Variants in KCTD8 observed in about 807,000 individuals in gnomAD.
KCTD8 encodes the protein potassium channel tetramerization domain containing 8, also known as BTB/POZ domain-containing protein KCTD8.
Under a neutral mutation model 31.5 loss-of-function variants are expected in KCTD8, and 27 were observed. The observed-to-expected ratio is 0.86, with a 90% confidence interval of 0.63 to 1.18. The LOEUF (loss-of-function observed/expected upper bound fraction) is 1.18, where lower values mean the gene tolerates loss of function less well. Ranked by LOEUF, KCTD8 falls within the 50% of genes most tolerant of loss-of-function variation. KCTD8 has a pLI of 0.00. For synonymous variants in KCTD8, 290 were observed against 280.0 expected, an observed-to-expected ratio of 1.04 and a Z score of -0.36; for missense variants, 658 against 647.7, an observed-to-expected ratio of 1.02 and a Z score of -0.17.
intron 1 of KCTD8, among the ~76,000 whole-genome samples, chr4:44,303,894 A>C (rs1717718418): frequency 6.6e-6 from 1 of 152,200 alleles, no homozygotes; most frequent in African/African-American, 2.4e-5. Context: ...TCTTTAAATT[A>C]GCAGATCATT....
At chr4:44,241,577 A>G (rs1715456352) in intron 1 of KCTD8, among the ~76,000 whole-genome samples, 1 of 152,268 alleles carries the variant, frequency 6.6e-6, no homozygotes, top group Admixed American at 6.5e-5. Flanking sequence ...ATTCAACAGT[A>G]CATATGCACA....
intron 1 of KCTD8, among the ~76,000 whole-genome samples, chr4:44,278,301 A>T (rs1414661307): frequency 6.6e-6 from 1 of 151,978 alleles, no homozygotes; most frequent in African/African-American, 2.4e-5. Context: ...TCTACACAAT[A>T]TGTCCCCAAT....
At chr4:44,404,605 C>A (rs1241929271) in intron 1 of KCTD8, among the ~76,000 whole-genome samples, 1 of 152,112 alleles carries the variant, frequency 6.6e-6, no homozygotes, top group Non-Finnish European at 1.5e-5. Flanking sequence ...TGCCTCAGGG[C>A]TAGAGACAGA....
In KCTD8 at chr4:44,175,213, A is replaced by G. The variant is rs2109327010; in HGVS notation, c.999T>C (p.His333=). 1 of 1,599,518 alleles carries G rather than the reference A, an allele frequency of 6.3e-7. No individual in the cohort carries two copies. Among genetic ancestry groups the G allele is most frequent in the Non-Finnish European group, 8.5e-7 (1 of 1,173,242 alleles). The change falls in exon 2 of 2, where the codon CAT becomes CAC. Residue 333 remains histidine, a synonymous_variant. Transcript: ENST00000360029. ...PQKIVSPKQE[H]EDRKHDKVTD... Reference sequence around the variant, plus strand: ...TGACTTTGTCATGTTTCCTATCTTCATGTTCTTGTTTAGGTGATACTATTT... The same window carrying G: ...TGACTTTGTCATGTTTCCTATCTTCGTGTTCTTGTTTAGGTGATACTATTT...
chr4:44,378,704 A>G (rs1719982429), intron 1 of KCTD8, among the ~76,000 whole-genome samples: 1 of 152,136 alleles, frequency 6.6e-6, no homozygotes, highest in Non-Finnish European at 1.5e-5. Context: ...CTATTACATG[A>G]GTCCCAAGTC....
chr4:44,328,019 G>T (rs1005311863), intron 1 of KCTD8, among the ~76,000 whole-genome samples: 1 of 151,834 alleles, frequency 6.6e-6, no homozygotes, highest in South Asian at 2.1e-4. Context: ...GTGAAGTAAT[G>T]CTTCTCTCAC....
At chr4:44,347,676 AATTAT>A (rs1302441290) in intron 1 of KCTD8, among the ~76,000 whole-genome samples, 3 of 152,220 alleles carry the variant, frequency 2.0e-5, no homozygotes, top group African/African-American at 7.2e-5. Flanking sequence ...CTAATGAGAA[AATTAT>A]ATTAGATTAA....
At chr4:44,188,598 T>C (rs1713664480) in intron 1 of KCTD8, among the ~76,000 whole-genome samples, 1 of 152,178 alleles carries the variant, frequency 6.6e-6, no homozygotes, top group Non-Finnish European at 1.5e-5. Context: ...TCACTTTCCA[T>C]GAAAAAGTCT....
intron 1 of KCTD8, among the ~76,000 whole-genome samples, chr4:44,442,774 T>TACACACGTATACACAC (rs10938342): frequency 0.42 from 61,793 of 146,962 alleles, 14,039 homozygotes; most frequent in South Asian, 0.63. Context: ...AACTAAGGTA[T>TACACACGTATACACAC]ACACACACAC....
At chr4:44,249,870 A>G (rs561283335) in intron 1 of KCTD8, among the ~76,000 whole-genome samples, 1 of 150,512 alleles carries the variant, frequency 6.6e-6, no homozygotes, top group East Asian at 2.0e-4. Flanking sequence ...TTCCTATCCT[A>G]TCCTTAGATC....
chr4:44,384,256 A>G (rs58543357), intron 1 of KCTD8, among the ~76,000 whole-genome samples: 125,088 of 151,850 alleles, frequency 0.82, 51,721 homozygotes, highest in South Asian at 0.88. Context: ...ACAGTAGGGA[A>G]GTTCCTCAAA....
At chr4:44,371,836 T>C (rs754682273) in intron 1 of KCTD8, among the ~76,000 whole-genome samples, 2 of 152,130 alleles carry the variant, frequency 1.3e-5, no homozygotes, top group African/African-American at 4.8e-5. Flanking sequence ...CAAAAGCATA[T>C]ATTTTCCTCC....
At position 44,238,198 on chromosome 4, in the gene KCTD8, G is replaced by A. The variant is rs28642794; in HGVS notation, c.962-62948C>T. ...TCCCTCTACTTGCAAAGTTCTCCCC[G>A]CCCTACACTAGTCAACTGCTACTCA... On this transcript the variant is annotated intron_variant, in intron 1 of 1. Coordinates refer to ENST00000360029, the MANE Select transcript of KCTD8 (RefSeq NM_198353.3). Among the ~76,000 whole-genome samples, 5 of 151,502 alleles carry A rather than the reference G, an allele frequency of 3.3e-5. 1 individual carries two copies. In the South Asian group the frequency reaches 6.2e-4, roughly 19 times the overall value.
At chr4:44,286,849 G>A (rs915233060) in intron 1 of KCTD8, among the ~76,000 whole-genome samples, 1 of 152,084 alleles carries the variant, frequency 6.6e-6, no homozygotes, top group Admixed American at 6.6e-5. Context: ...GAAAGATGAT[G>A]GTGAGAGTGG....
At chr4:44,236,717 G>A (rs192316160) in intron 1 of KCTD8, among the ~76,000 whole-genome samples, 3 of 152,234 alleles carry the variant, frequency 2.0e-5, no homozygotes, top group Admixed American at 6.5e-5. Flanking sequence ...CTCTGGTATT[G>A]AGAAGATACT....
intron 1 of KCTD8, among the ~76,000 whole-genome samples, chr4:44,304,960 G>GAA (rs891544395): frequency 7.1e-6 from 1 of 140,506 alleles, no homozygotes; most frequent in South Asian, 2.2e-4. Context: ...ATCCTGTCTA[G>GAA]AAAAAAAAAA....
chr4:44,402,273 T>G (rs2109457596), intron 1 of KCTD8, among the ~76,000 whole-genome samples: 1 of 152,332 alleles, frequency 6.6e-6, no homozygotes, highest in Non-Finnish European at 1.5e-5. Flanking sequence ...AAATGTTTAC[T>G]TTCTCTTTTC....
At chr4:44,297,415 G>T (rs1717467575) in intron 1 of KCTD8, among the ~76,000 whole-genome samples, 1 of 151,828 alleles carries the variant, frequency 6.6e-6, no homozygotes, top group African/African-American at 2.4e-5. Context: ...CATATAAATA[G>T]ATATCTACAT....
At chr4:44,282,995 T>C (rs1288727738) in intron 1 of KCTD8, among the ~76,000 whole-genome samples, 2 of 151,036 alleles carry the variant, frequency 1.3e-5, no homozygotes, top group African/African-American at 4.9e-5. Flanking sequence ...GCTAAGATAA[T>C]TGAGGAAAGT....
Sources: gnomAD v4.1 joint callset for allele counts (sites outside exome capture counted in the v4.1 genomes callset) on GRCh38, gnomAD v4.1.1 for gene constraint, MANE v1.5 for transcripts, NCBI Gene and HGNC (gene_info 2026-07-23, HGNC 2026-07-21) for gene names.